The following DPH6 variants were observed in gnomAD, a reference collection of about 807,000 sequenced individuals.
The protein encoded by DPH6 is diphthamine biosynthesis 6.
A neutral mutation model predicts 38.2 loss-of-function variants in DPH6; 33 were observed. That is an observed-to-expected ratio of 0.86 (90% CI 0.65 to 1.15). The LOEUF is 1.15. DPH6 is among the 50% of genes most tolerant of loss of function. The pLI is 0.00. For missense variants in DPH6, 325 were observed against 320.0 expected, an observed-to-expected ratio of 1.02 and a Z score of -0.12; for synonymous variants, 108 against 103.0, an observed-to-expected ratio of 1.05 and a Z score of -0.30.
At chr15:35,201,758 T>C in the DPH6 span, among the ~76,000 whole-genome samples, 1 of 151,890 alleles carries the variant, frequency 6.6e-6, no homozygotes, top group Non-Finnish European at 1.5e-5. Flanking sequence ...ATCAAGATAG[T>C]GATGAATTTT....
At chr15:35,344,845 T>C (rs576410166) in intron 3 of DPH6, among the ~76,000 whole-genome samples, 1 of 152,024 alleles carries the variant, frequency 6.6e-6, no homozygotes, top group South Asian at 2.1e-4. Context: ...GAATTTGAAC[T>C]ACCTTTGGAC....
intron 3 of DPH6, among the ~76,000 whole-genome samples, chr15:35,305,532 G>C (rs975381532): frequency 1.3e-5 from 2 of 151,972 alleles, no homozygotes; most frequent in African/African-American, 4.8e-5. Context: ...ATTGACTTGA[G>C]ATCTACCATC....
the DPH6 span, among the ~76,000 whole-genome samples, chr15:35,146,069 C>CTGTGTGTGTGTGTGTG: frequency 6.8e-6 from 1 of 147,096 alleles, no homozygotes; most frequent in African/African-American, 2.5e-5. Context: ...CTTATAGTTT[C>CTGTGTGTGTGTGTGTG]TGTGTGTGTG....
chr15:35,455,031 A>C (rs1165565020), intron 3 of DPH6, among the ~76,000 whole-genome samples: 1 of 152,136 alleles, frequency 6.6e-6, no homozygotes, highest in Non-Finnish European at 1.5e-5. Context: ...GTTTTACTTA[A>C]AATTTAAATA....
chr15:35,246,085 C>A (rs2051636115), intron 3 of DPH6, among the ~76,000 whole-genome samples: 1 of 152,158 alleles, frequency 6.6e-6, no homozygotes, highest in South Asian at 2.1e-4. Flanking sequence ...CAGAGAACAA[C>A]CCCTTTGACT....
chr15:35,438,526 C>T (rs1225482991), intron 5 of DPH6, among the ~76,000 whole-genome samples: 1 of 152,192 alleles, frequency 6.6e-6, no homozygotes, highest in African/African-American at 2.4e-5. Context: ...CTAGAAACTG[C>T]ATGCTTTCCT....
chr15:35,161,268 G>GC, the DPH6 span, among the ~76,000 whole-genome samples: 3 of 151,704 alleles, frequency 2.0e-5, no homozygotes, highest in African/African-American at 7.3e-5. Flanking sequence ...TACTGAATCC[G>GC]CCAACTCTTT....
intron 3 of DPH6, among the ~76,000 whole-genome samples, chr15:35,496,181 T>C (rs71466814): frequency 0.091 from 13,786 of 152,074 alleles, 854 homozygotes; most frequent in Non-Finnish European, 0.14. Context: ...TTAGAAAAAA[T>C]TGATAACTTG....
At chr15:35,454,667 G>C in intron 4 of DPH6, 80 bp downstream of exon 4, 2 of 1,208,698 alleles carry the variant, frequency 1.7e-6, no homozygotes, top group South Asian at 2.7e-5. Context: ...TTTATAATTT[G>C]AATATGATTA....
At chr15:35,230,633 A>G (rs776287591) in intron 3 of DPH6, among the ~76,000 whole-genome samples, 5 of 152,180 alleles carry the variant, frequency 3.3e-5, no homozygotes, top group Non-Finnish European at 7.3e-5. Flanking sequence ...TGAAACCAGC[A>G]AGTCTCAGAA....
chr15:35,189,766 T>A, the DPH6 span, among the ~76,000 whole-genome samples: 24 of 152,222 alleles, frequency 1.6e-4, no homozygotes, highest in African/African-American at 4.8e-4. Flanking sequence ...GCAGGAGCCA[T>A]ACAAAATATA....
chr15:35,376,584 C>T (rs891675814), intron 7 of DPH6, among the ~76,000 whole-genome samples: 1 of 152,102 alleles, frequency 6.6e-6, no homozygotes, highest in African/African-American at 2.4e-5. Context: ...ATGTCCTAGG[C>T]CTTCCATTCA....
At position 35,231,429 on chromosome 15, in the gene DPH6, C is replaced by T. The variant is rs2051516802; in HGVS notation, n.201-10847G>A. ...CCATCCAAGACTATTTCTTCTACCTCTTCAGTGCCTCTTCCAGTGATATAG... is the reference window on the plus strand; with the variant it reads ...CCATCCAAGACTATTTCTTCTACCTTTTCAGTGCCTCTTCCAGTGATATAG... On this transcript the variant is annotated intron_variant and non_coding_transcript_variant, in intron 3 of 3. Transcript: ENST00000560386. 2.0e-5 allele frequency among the ~76,000 whole-genome samples: 3 copies of T among 152,238 alleles called. No individual in the cohort carries two copies. The South Asian group carries it at 6.2e-4, about 32-fold the overall frequency.
At chr15:35,264,331 C>G (rs746710482) in intron 3 of DPH6, among the ~76,000 whole-genome samples, 5 of 152,062 alleles carry the variant, frequency 3.3e-5, no homozygotes, top group Admixed American at 2.6e-4. Context: ...GAGGTAATAA[C>G]AAGAGGCAAT....
intron 3 of DPH6, among the ~76,000 whole-genome samples, chr15:35,339,061 A>AT (rs1250283291): frequency 4.6e-5 from 7 of 152,162 alleles, no homozygotes; most frequent in Non-Finnish European, 8.8e-5. Flanking sequence ...GGGGGATAGC[A>AT]TTAGGAGATA....
chr15:35,506,702 T>A (rs540020441), intron 3 of DPH6, among the ~76,000 whole-genome samples: 2 of 152,338 alleles, frequency 1.3e-5, no homozygotes, highest in East Asian at 3.9e-4. Context: ...CTCATTGTCA[T>A]GATTTTTAAA....
the DPH6 span, among the ~76,000 whole-genome samples, chr15:35,176,609 T>C: frequency 6.6e-6 from 1 of 152,158 alleles, no homozygotes; most frequent in Non-Finnish European, 1.5e-5. Flanking sequence ...GTAGCTGGGA[T>C]GACAGGCATG....
chr15:35,246,404 G>A (rs548841589), intron 3 of DPH6, among the ~76,000 whole-genome samples: 1 of 152,150 alleles, frequency 6.6e-6, no homozygotes, highest in African/African-American at 2.4e-5. Context: ...TACGGAGGAT[G>A]ACACATCCAA....
Position 35,430,281 on chromosome 15 carries a change from T to C in DPH6, c.506-19385A>G, listed in dbSNP as rs193268146. Among the ~76,000 whole-genome samples the C allele has an allele frequency of 3.9e-5, 6 of 152,134 alleles. 1 individual carries two copies. In the East Asian group the frequency reaches 1.2e-3, roughly 29 times the overall value. On this transcript the variant is annotated intron_variant, in intron 5 of 8. Transcript: ENST00000256538. Reference sequence around the variant, plus strand: ...TGGAGTTTATTATTTGTTAATGCATTCATTGCTACTCAGTTTATAAAGTAC... The same window carrying C: ...TGGAGTTTATTATTTGTTAATGCATCCATTGCTACTCAGTTTATAAAGTAC...
Sources: gnomAD v4.1 joint callset for allele counts (sites outside exome capture counted in the v4.1 genomes callset) on GRCh38, gnomAD v4.1.1 for gene constraint, MANE v1.5 for transcripts, NCBI Gene and HGNC (gene_info 2026-07-23, HGNC 2026-07-21) for gene names.